The following MRPL37 variants were observed in gnomAD, a reference collection of about 807,000 sequenced individuals.
The protein encoded by MRPL37 is mitochondrial ribosomal protein L37.
A neutral mutation model predicts 44.1 loss-of-function variants in MRPL37; 34 were observed. That is an observed-to-expected ratio of 0.77 (90% CI 0.59 to 1.03). MRPL37 has a LOEUF of 1.03. Ranked by LOEUF, MRPL37 falls within the 50% of genes least tolerant of loss-of-function variation. The probability of loss-of-function intolerance (pLI) is 0.00; values close to 1 mark genes in which losing one functional copy is unlikely to be tolerated. For missense variants in MRPL37, 532 were observed against 543.7 expected (o/e 0.98, Z 0.21); for synonymous variants, 212 against 219.5 (o/e 0.97, Z 0.30).
intron 4 of MRPL37, 52 bp from the exon 5 acceptor site, chr1:54,212,449 T>C (rs1333274058): frequency 1.6e-5 from 25 of 1,596,038 alleles, no homozygotes; most frequent in South Asian, 1.2e-4. Flanking sequence ...TGAGGCTTTG[T>C]GGCAGGCTGA....
intron 1 of MRPL37, among the ~76,000 whole-genome samples, chr1:54,201,909 A>C (rs1644087078): frequency 6.6e-6 from 1 of 152,186 alleles, no homozygotes; most frequent in Admixed American, 6.5e-5. Flanking sequence ...TCTATTGTCA[A>C]GTTTAAGGAA....
chr1:54,225,054 G>C, downstream of MRPL37: 1 of 1,216,828 alleles, frequency 8.2e-7, no homozygotes, highest in Non-Finnish European at 1.0e-6. Context: ...GAGTGGCTGT[G>C]GCCCTCCTGG....
At chr1:54,201,491 C>G (rs1334830102) in intron 1 of MRPL37, among the ~76,000 whole-genome samples, 1 of 152,136 alleles carries the variant, frequency 6.6e-6, no homozygotes. Flanking sequence ...GTAACAATAC[C>G]AAGTGGATGA....
intron 1 of MRPL37, among the ~76,000 whole-genome samples, chr1:54,201,995 CAGAA>C (rs1644088010): frequency 6.6e-6 from 1 of 151,638 alleles, no homozygotes; most frequent in African/African-American, 2.4e-5. Context: ...CCACAAAATC[CAGAA>C]GTTACTTTTT....
intron 1 of MRPL37, 111 bp downstream of exon 1, chr1:54,200,700 G>A: frequency 8.0e-7 from 1 of 1,244,376 alleles, no homozygotes; most frequent in Non-Finnish European, 1.1e-6. Flanking sequence ...TGGTTTCTTC[G>A]TCTGCGAAAT....
chr1:54,204,986 C>T (rs1488300450), intron 1 of MRPL37, 32 bp from the exon 2 acceptor site: 2 of 996,876 alleles, frequency 2.0e-6, no homozygotes, highest in Admixed American at 2.5e-5. Flanking sequence ...TTTTTCTTTC[C>T]TTCTTTATTT....
At chr1:54,220,212 A>G (rs1644223390), downstream of MRPL37, among the ~76,000 whole-genome samples, 1 of 152,036 alleles carries the variant, frequency 6.6e-6, no homozygotes, top group African/African-American at 2.4e-5. Context: ...GCCCCTGGAG[A>G]CTGCTTGGAG....
Position 54,210,077 on chromosome 1 carries a change from T to A in MRPL37, c.778T>A (p.Ser260Thr). The change falls in exon 4 of 7, where the codon TCA becomes ACA. Residue 260 changes from serine to threonine, a missense_variant. Ser to Thr is a moderately conservative substitution (Grantham distance 58, BLOSUM62 1). Transcript: ENST00000360840. ...TGTTCTAGAGACCTTCTACCCCATA[T>A]CACCCATCATCGATCTTCATGAATG... Reference protein sequence around the residue: ...NHVLETFYPISPIIDLHECNI... With the variant: ...NHVLETFYPITPIIDLHECNI... 6.2e-7 allele frequency: 1 copy of A among 1,614,140 alleles called. No individual in the cohort carries two copies. The highest frequency in any genetic ancestry group is 1.6e-4 in the Middle Eastern group (1 of 6,062).
At chr1:54,217,146 C>T (rs1290184767) in intron 6 of MRPL37, among the ~76,000 whole-genome samples, 1 of 152,174 alleles carries the variant, frequency 6.6e-6, no homozygotes, top group Non-Finnish European at 1.5e-5. Flanking sequence ...TGCTCTGGGA[C>T]CAACCAGGCC....
intron 3 of MRPL37, among the ~76,000 whole-genome samples, chr1:54,208,651 G>A (rs1413656099): frequency 6.6e-6 from 1 of 151,022 alleles, no homozygotes; most frequent in African/African-American, 2.4e-5. Context: ...CTAGTCACCT[G>A]GATTTCTCTC....
At position 54,205,211 on chromosome 1, in the gene MRPL37, C is replaced by T; in HGVS notation, c.530+10C>T. On this transcript the variant is annotated intron_variant, in intron 2 of 6. Transcript: ENST00000360840. ...AGAGAGAGACCTACTGGTAAGTTCC[C>T]CCAAGTAAAGAAGATTTCCTACTAA... 6.2e-7 allele frequency: 1 copy of T among 1,608,700 alleles called. No homozygotes were observed. The highest frequency in any genetic ancestry group is 8.5e-7 in the Non-Finnish European group (1 of 1,175,724).
chr1:54,209,867 G>C, intron 3 of MRPL37, 79 bp from the exon 4 acceptor site: 1 of 1,464,944 alleles, frequency 6.8e-7, no homozygotes, highest in South Asian at 1.3e-5. Context: ...AAAGTGCTGG[G>C]ATTATAGGCA....
intron 4 of MRPL37, 150 bp downstream of exon 4, chr1:54,210,281 C>A: frequency 2.9e-6 from 2 of 700,082 alleles, no homozygotes; most frequent in Non-Finnish European, 2.3e-6. Context: ...CCCCATGAGA[C>A]AAGTACTATT....
intron 3 of MRPL37, among the ~76,000 whole-genome samples, chr1:54,206,610 A>G (rs1324496220): frequency 6.6e-6 from 1 of 151,958 alleles, no homozygotes; most frequent in East Asian, 1.9e-4. Context: ...GGGTTTCACC[A>G]TGTTGGCCAG....
At chr1:54,206,920 TG>T (rs1644128313) in intron 3 of MRPL37, among the ~76,000 whole-genome samples, 1 of 151,866 alleles carries the variant, frequency 6.6e-6, no homozygotes, top group Non-Finnish European at 1.5e-5. Flanking sequence ...TGTGTGTGTG[TG>T]TGTGTATTTT....
At chr1:54,221,943 A>G (rs1001638120), downstream of MRPL37, among the ~76,000 whole-genome samples, 3 of 152,194 alleles carry the variant, frequency 2.0e-5, no homozygotes, top group Non-Finnish European at 4.4e-5. Flanking sequence ...TACTGGGTGG[A>G]CACGGCCAGA....
chr1:54,225,259 G>T, downstream of MRPL37: 2 of 1,234,238 alleles, frequency 1.6e-6, no homozygotes, highest in Non-Finnish European at 2.0e-6. Flanking sequence ...CAAGGCCATC[G>T]CGACTCCACA....
At position 54,216,125 on chromosome 1, in the gene MRPL37, C is replaced by T. The variant is rs1273076270; in HGVS notation, c.991-16C>T. ...ACAGCTTCTGATTTGTTTTCCTTGT[C>T]CCCTTTTCCTCTCAGAATGATGCCA... On this transcript the variant is annotated splice_polypyrimidine_tract_variant and intron_variant, in intron 5 of 6. Coordinates refer to ENST00000360840, the MANE Select transcript of MRPL37 (RefSeq NM_016491.4). The T allele has an allele frequency of 6.2e-7, 1 of 1,613,924 alleles. No individual in the cohort carries two copies. The highest frequency in any genetic ancestry group is 2.2e-5 in the East Asian group (1 of 44,898).
downstream of MRPL37, among the ~76,000 whole-genome samples, chr1:54,222,450 G>A (rs761405410): frequency 2.6e-5 from 4 of 152,128 alleles, no homozygotes; most frequent in Non-Finnish European, 5.9e-5. Flanking sequence ...TCCATGCCCT[G>A]CAGCTATCTG....
Sources: allele counts gnomAD v4.1 joint callset (sites outside exome capture counted in the v4.1 genomes callset), GRCh38; gene constraint gnomAD v4.1.1; transcripts MANE v1.5; gene names NCBI Gene and HGNC (gene_info 2026-07-23, HGNC 2026-07-21).